The following LRRC37B variants were observed in gnomAD, a reference collection of about 807,000 sequenced individuals.
LRRC37B encodes leucine rich repeat containing 37B, also known as leucine-rich repeat-containing protein 37B.
LRRC37B carries 28 observed loss-of-function variants against 98.3 expected under a neutral mutation model. The ratio of observed to expected loss-of-function variants is 0.28; its 90% CI spans 0.21 to 0.39. The LOEUF (loss-of-function observed/expected upper bound fraction) is 0.39, where lower values mean the gene tolerates loss of function less well. Among genes scored for constraint, LRRC37B ranks in the 10% least tolerant of loss-of-function variants. LRRC37B has a pLI of 1.00. For synonymous variants in LRRC37B, 364 were observed against 442.7 expected (o/e 0.82, Z 2.23); for missense variants, 938 against 1,182.7 (o/e 0.79, Z 3.03).
At chr17:32,039,066 A>G (rs1911330360) in intron 7 of LRRC37B, among the ~76,000 whole-genome samples, 1 of 152,118 alleles carries the variant, frequency 6.6e-6, no homozygotes, top group African/African-American at 2.4e-5. Context: ...GTGTAGTTAC[A>G]TTTAGATCTA....
exon 10 of LRRC37B, chr17:32,049,368 G>A: frequency 2.5e-6 from 4 of 1,610,660 alleles, no homozygotes; most frequent in Non-Finnish European, 2.5e-6. Context: ...GGAACAGAAT[G>A]AACAGAAAGA....
intron 2 of LRRC37B, among the ~76,000 whole-genome samples, chr17:32,025,368 T>A (rs1164102588): frequency 2.0e-5 from 3 of 151,890 alleles, no homozygotes; most frequent in African/African-American, 7.3e-5. Context: ...AAAAATGCAA[T>A]AACAGGTATA....
chr17:32,053,398 C>T (rs946998630), exon 12 of LRRC37B: 219 of 1,115,606 alleles, frequency 2.0e-4, no homozygotes, highest in Non-Finnish European at 5.4e-5. Flanking sequence ...TGGTTTTTTA[C>T]TTAAATCAAT....
At chr17:32,049,142 C>T (rs1336181674) in exon 10 of LRRC37B, 1 of 1,613,920 alleles carries the variant, frequency 6.2e-7, no homozygotes, top group East Asian at 2.2e-5. Flanking sequence ...AGCTACGGTC[C>T]CTCATCCCCA....
At chr17:32,047,684 G>A (rs1315700462) in intron 8 of LRRC37B, 77 bp from the exon 12 acceptor site, 1 of 1,601,824 alleles carries the variant, frequency 6.2e-7, no homozygotes, top group Non-Finnish European at 8.5e-7. Flanking sequence ...GTGTGACTGG[G>A]GCATATAGCT....
At chr17:32,007,463 T>G (rs1423014505), upstream of LRRC37B, among the ~76,000 whole-genome samples, 2 of 152,102 alleles carry the variant, frequency 1.3e-5, no homozygotes, top group East Asian at 3.9e-4. The surrounding 1 kb of genome is among the most constrained non-coding windows in gnomAD (Gnocchi z 4.1). Context: ...CGGTTGAGCC[T>G]TCTCCCTCCA....
At chr17:32,022,654 T>A (rs1377876172) in exon 1 of LRRC37B, 2 of 1,613,994 alleles carry the variant, frequency 1.2e-6, no homozygotes, top group South Asian at 2.2e-5. Context: ...GATTCATTGG[T>A]GCAGTCTGAA....
chr17:32,009,198 G>A (rs1363403248), intron 1 of LRRC37B, among the ~76,000 whole-genome samples: 1 of 151,720 alleles, frequency 6.6e-6, no homozygotes, highest in Non-Finnish European at 1.5e-5. Context: ...TAATGGTTCT[G>A]AGCCTCTTTT....
At position 32,013,708 on chromosome 17, in the gene LRRC37B, A is replaced by ATGTGTGTGTGTGTG. The variant is rs879747437; in HGVS notation, c.-190-4263_-190-4262insGTGTGTGTGTGTGT. Among the ~76,000 whole-genome samples, 545 of 130,374 alleles carry ATGTGTGTGTGTGTG rather than the reference A, an allele frequency of 4.2e-3. 5 individuals are homozygous for ATGTGTGTGTGTGTG. The highest frequency in any genetic ancestry group is 0.015 in the African/African-American group (530 of 34,358). 85.5% of individuals were successfully genotyped at this position (130,374 alleles called of 152,430 possible). A position where few individuals can be genotyped will look rare whatever the true frequency, so the allele number is the denominator to read the frequency against. ...TCTAGTCCCCCTCCCTTATAATTGTATATGTGTGTGTGTGTGTGTGTGTGT... is the reference window on the plus strand; with the variant it reads ...TCTAGTCCCCCTCCCTTATAATTGTATGTGTGTGTGTGTGTATGTGTGTGTGTGTGTGTGTGTGT... On this transcript the variant is annotated intron_variant, in intron 1 of 14. Coordinates refer to the LRRC37B transcript ENST00000543378.
At chr17:32,017,492 T>C (rs16972641), upstream of LRRC37B, among the ~76,000 whole-genome samples, 1,894 of 152,320 alleles carry the variant, frequency 0.012, 37 homozygotes, top group African/African-American at 0.04. Context: ...ACAGTTGATA[T>C]TTCATACATA....
At position 32,050,157 on chromosome 17, in the gene LRRC37B, G is replaced by A. The variant is rs796831144; in HGVS notation, c.2862+50G>A. 15 of 1,024,020 alleles carry A rather than the reference G, an allele frequency of 1.5e-5. 1 individual carries two copies. In the African/African-American group the frequency reaches 1.9e-4, roughly 13 times the overall value. The allele number at this position is 1,024,020 out of a possible 1,614,324, so 63.4% of individuals were successfully genotyped here. On this transcript the variant is annotated intron_variant, in intron 11 of 11. Coordinates refer to ENST00000327564, the Ensembl canonical transcript of LRRC37B. ...TTTCAGAATACAATCCTGTGTTTGT[G>A]TGGATTCAGAATCCACAAACTGAAA...
intron 3 of LRRC37B, among the ~76,000 whole-genome samples, chr17:32,029,391 CCA>C (rs1340716828): frequency 6.6e-6 from 1 of 152,134 alleles, no homozygotes; most frequent in Admixed American, 6.6e-5. Flanking sequence ...AAGACCTAGT[CCA>C]TGCTTTCAAG....
intron 3 of LRRC37B, among the ~76,000 whole-genome samples, chr17:32,030,161 AAT>A (rs1911072714): frequency 6.6e-6 from 1 of 152,120 alleles, no homozygotes. Context: ...TAATTGTATT[AAT>A]ATGATTTGAA....
At chr17:32,019,449 G>T (rs1467256409), upstream of LRRC37B, among the ~76,000 whole-genome samples, 2 of 152,156 alleles carry the variant, frequency 1.3e-5, no homozygotes, top group East Asian at 3.9e-4. Flanking sequence ...GAAATCACCT[G>T]ACACATTTCT....
chr17:32,041,778 C>A (rs1321760931), intron 7 of LRRC37B: 1 of 458,264 alleles, frequency 2.2e-6, no homozygotes, highest in East Asian at 6.6e-5. Context: ...CTCCATGGCG[C>A]CGGCCTCCTC....
rs1227648055 is a variant in LRRC37B at position 32,045,688 on chromosome 17, T to C, written c.2205-12T>C. ...TTACCACTAATTTATTGTTTTGTGTTTTCATCTATAGGATCTTACCTAGCC... is the reference window on the plus strand; with the variant it reads ...TTACCACTAATTTATTGTTTTGTGTCTTCATCTATAGGATCTTACCTAGCC... On this transcript the variant is annotated splice_polypyrimidine_tract_variant and intron_variant, in intron 7 of 11. Coordinates refer to ENST00000327564, the Ensembl canonical transcript of LRRC37B. The C allele has an allele frequency of 1.4e-5, 23 of 1,605,122 alleles. No individual in the cohort carries two copies. The highest frequency in any genetic ancestry group is 2.0e-5 in the Non-Finnish European group (23 of 1,179,410).
chr17:32,014,070 C>A (rs1245653636), intron 1 of LRRC37B, among the ~76,000 whole-genome samples: 2 of 152,136 alleles, frequency 1.3e-5, no homozygotes, highest in Non-Finnish European at 2.9e-5. Context: ...CTTCTAGATC[C>A]ATTTTCCTAC....
At chr17:32,007,521 C>T (rs1910434702), upstream of LRRC37B, among the ~76,000 whole-genome samples, 1 of 152,082 alleles carries the variant, frequency 6.6e-6, no homozygotes, top group Non-Finnish European at 1.5e-5. This position sits in a 1 kb window ranked among gnomAD's most constrained non-coding sequence, Gnocchi z 4.1. Context: ...TCGGGCCTCC[C>T]AACCCGGCCC....
chr17:32,034,967 G>A lies in LRRC37B; in HGVS notation c.2115G>A (p.Pro705=), dbSNP rs369987095. The change falls in exon 6 of 12, where the codon CCG becomes CCA. Residue 705 remains proline, a synonymous_variant. Coordinates refer to ENST00000327564, the Ensembl canonical transcript of LRRC37B. ...AAGATCCATATCTCTTTGAACTGCC[G>A]GCATTAAAATATCTGTAAGTACTAT... 30 of 1,607,286 alleles carry A rather than the reference G, an allele frequency of 1.9e-5. No homozygotes were observed. In the African/African-American group the frequency reaches 2.7e-4, roughly 14 times the overall value.
Sources: gnomAD v4.1 joint callset for allele counts (sites outside exome capture counted in the v4.1 genomes callset) on GRCh38, gnomAD v4.1.1 for gene constraint, Gnocchi (gnomAD v3.1) non-coding constraint, MANE v1.5 for transcripts, NCBI Gene and HGNC (gene_info 2026-07-23, HGNC 2026-07-21) for gene names.